ATXN7L1: variants seen among roughly 807,000 people sequenced by gnomAD.
The protein encoded by ATXN7L1 is ataxin 7 like 1.
Under a neutral mutation model 70.8 loss-of-function variants are expected in ATXN7L1, and 15 were observed. The ratio of observed to expected loss-of-function variants is 0.21; its 90% CI spans 0.14 to 0.33. The LOEUF (loss-of-function observed/expected upper bound fraction) is 0.33. ATXN7L1 is among the 10% of genes least tolerant of loss of function. ATXN7L1 has a pLI of 1.00. For synonymous variants in ATXN7L1, 440 were observed against 445.1 expected, an observed-to-expected ratio of 0.99 and a Z score of 0.14; for missense variants, 975 against 1,097.1, an observed-to-expected ratio of 0.89 and a Z score of 1.57.
At chr7:105,684,619 G>A (rs1252531768) in intron 3 of ATXN7L1, among the ~76,000 whole-genome samples, 3 of 152,194 alleles carry the variant, frequency 2.0e-5, no homozygotes, top group Non-Finnish European at 4.4e-5. Flanking sequence ...TTAGTCTACT[G>A]CTCCAGTCTG....
chr7:105,654,566 T>A (rs1800325072), intron 4 of ATXN7L1, among the ~76,000 whole-genome samples: 1 of 152,240 alleles, frequency 6.6e-6, no homozygotes, highest in Non-Finnish European at 1.5e-5. Flanking sequence ...ACTGTGTATG[T>A]AATCTCAGCC....
chr7:105,637,286 A>G (rs1476188591), intron 7 of ATXN7L1, among the ~76,000 whole-genome samples: 1 of 152,204 alleles, frequency 6.6e-6, no homozygotes, highest in Non-Finnish European at 1.5e-5. Context: ...AGCCACTGCT[A>G]TCAAATATTT....
At chr7:105,645,346 T>G (rs1798827873) in intron 4 of ATXN7L1, among the ~76,000 whole-genome samples, 1 of 152,136 alleles carries the variant, frequency 6.6e-6, no homozygotes, top group African/African-American at 2.4e-5. Context: ...TAAATTATAC[T>G]TCAATAAACC....
intron 3 of ATXN7L1, among the ~76,000 whole-genome samples, chr7:105,777,302 A>G (rs1050407026): frequency 1.3e-5 from 2 of 152,178 alleles, no homozygotes; most frequent in African/African-American, 4.8e-5. Context: ...GTGAAGCAAA[A>G]ATGAAGTCAT....
At chr7:105,874,694 G>C (rs1248636360) in intron 2 of ATXN7L1, among the ~76,000 whole-genome samples, 1 of 152,174 alleles carries the variant, frequency 6.6e-6, no homozygotes, top group Non-Finnish European at 1.5e-5. Context: ...TTTCCTCTCA[G>C]TGGATGGTCA....
chr7:105,626,090 A>G (rs879358209), intron 7 of ATXN7L1, among the ~76,000 whole-genome samples: 1 of 152,256 alleles, frequency 6.6e-6, no homozygotes, highest in Non-Finnish European at 1.5e-5. Context: ...AACAGAGTCC[A>G]AAAGTATAGT....
At chr7:105,659,074 T>C (rs945837558) in intron 4 of ATXN7L1, among the ~76,000 whole-genome samples, 1 of 152,110 alleles carries the variant, frequency 6.6e-6, no homozygotes, top group African/African-American at 2.4e-5. Context: ...GTGATAGAGG[T>C]TGCAGTGAGC....
intron 3 of ATXN7L1, among the ~76,000 whole-genome samples, chr7:105,700,508 C>CAA (rs1186998293): frequency 2.6e-3 from 131 of 49,670 alleles, no homozygotes; most frequent in Non-Finnish European, 3.0e-3. Flanking sequence ...GACTCTGTCT[C>CAA]AAAAAAAAAA....
intron 3 of ATXN7L1, among the ~76,000 whole-genome samples, chr7:105,685,594 C>A (rs1721507): frequency 0.2 from 30,046 of 152,070 alleles, 3,079 homozygotes; most frequent in East Asian, 0.3. Context: ...ACCATATTTG[C>A]AGAGGGGCCC....
intron 3 of ATXN7L1, among the ~76,000 whole-genome samples, chr7:105,725,723 G>A (rs1173425847): frequency 6.6e-6 from 1 of 151,904 alleles, no homozygotes; most frequent in Non-Finnish European, 1.5e-5. Flanking sequence ...TGAGATTACA[G>A]GCATTCACCA....
intron 3 of ATXN7L1, among the ~76,000 whole-genome samples, chr7:105,765,908 C>T (rs1356958743): frequency 6.6e-6 from 1 of 151,982 alleles, no homozygotes; most frequent in East Asian, 1.9e-4. Context: ...AGATGACTTT[C>T]CTGTATCTGG....
At position 105,693,187 on chromosome 7, in the gene ATXN7L1, A is replaced by T. The variant is rs370276189; in HGVS notation, c.356-27899T>A. Reference sequence around the variant, plus strand: ...CTGGGTGTGGACGTAAGAGTGAGAAATTTTTTTTGTTTTTGTTTTAAATAG... The same window carrying T: ...CTGGGTGTGGACGTAAGAGTGAGAATTTTTTTTTGTTTTTGTTTTAAATAG... On this transcript the variant is annotated intron_variant, in intron 3 of 11. Transcript: ENST00000419735. 1.4e-3 allele frequency among the ~76,000 whole-genome samples: 207 copies of T among 151,636 alleles called. 1 individual carries two copies. Among genetic ancestry groups the T allele is most frequent in the Non-Finnish European group, 2.5e-3 (172 of 67,856 alleles).
chr7:105,677,633 C>T (rs1045134677), intron 3 of ATXN7L1, among the ~76,000 whole-genome samples: 2 of 152,220 alleles, frequency 1.3e-5, no homozygotes, highest in African/African-American at 4.8e-5. Context: ...AGTGCCAACT[C>T]ATGGGAGACG....
chr7:105,838,374 G>A (rs996417371), intron 2 of ATXN7L1, among the ~76,000 whole-genome samples: 2 of 152,222 alleles, frequency 1.3e-5, no homozygotes, highest in Non-Finnish European at 2.9e-5. Context: ...TATACCAGGA[G>A]GGAGATGGTT....
At chr7:105,661,477 T>G (rs138583269) in intron 4 of ATXN7L1, among the ~76,000 whole-genome samples, 8 of 152,196 alleles carry the variant, frequency 5.3e-5, no homozygotes, top group African/African-American at 1.2e-4. Context: ...TTGATAGGAC[T>G]GTGATATAGA....
intron 3 of ATXN7L1, among the ~76,000 whole-genome samples, chr7:105,754,808 C>T (rs1017436233): frequency 2.0e-5 from 3 of 152,146 alleles, no homozygotes; most frequent in African/African-American, 7.2e-5. Flanking sequence ...CTACTATGTG[C>T]CAAGCACTGT....
At chr7:105,812,333 T>C (rs1808550183) in intron 2 of ATXN7L1, among the ~76,000 whole-genome samples, 1 of 152,228 alleles carries the variant, frequency 6.6e-6, no homozygotes, top group Non-Finnish European at 1.5e-5. Flanking sequence ...AAGCAAGGTT[T>C]CTTAAGTTAT....
chr7:105,815,167 T>C (rs1437151445), intron 2 of ATXN7L1, among the ~76,000 whole-genome samples: 1 of 152,196 alleles, frequency 6.6e-6, no homozygotes, highest in East Asian at 1.9e-4. Flanking sequence ...GAAAACTGCT[T>C]ACTTGTGCCT....
At chr7:105,638,759 G>C in intron 6 of ATXN7L1, 150 bp from the exon 7 acceptor site, 1 of 1,054,920 alleles carries the variant, frequency 9.5e-7, no homozygotes, top group Admixed American at 2.9e-5. Context: ...TCTGTGGCTA[G>C]GAAGAGGCAG....
Sources: allele counts gnomAD v4.1 joint callset (sites outside exome capture counted in the v4.1 genomes callset), GRCh38; gene constraint gnomAD v4.1.1; transcripts MANE v1.5; gene names NCBI Gene and HGNC (gene_info 2026-07-23, HGNC 2026-07-21).